The following PDE4B variants were observed in gnomAD, a reference collection of about 807,000 sequenced individuals.
The protein encoded by PDE4B is 3',5'-cyclic-AMP phosphodiesterase 4B.
In PDE4B, 20 loss-of-function variants were observed where a neutral mutation model predicts 82.2. The ratio of observed to expected loss-of-function variants is 0.24; its 90% CI spans 0.17 to 0.35. The LOEUF is 0.35. Ranked by LOEUF, PDE4B falls within the 10% of genes least tolerant of loss-of-function variation. The pLI is 1.00. For missense variants in PDE4B, 655 were observed against 907.2 expected, an observed-to-expected ratio of 0.72 and a Z score of 3.57; for synonymous variants, 320 against 318.9, an observed-to-expected ratio of 1.00 and a Z score of -0.04.
At chr1:65,917,204 T>C (rs1429095942) in intron 2 of PDE4B, among the ~76,000 whole-genome samples, 1 of 152,204 alleles carries the variant, frequency 6.6e-6, no homozygotes, top group Non-Finnish European at 1.5e-5. Context: ...ATTTGTTGAA[T>C]TAACCCAGCT....
intron 3 of PDE4B, among the ~76,000 whole-genome samples, chr1:66,123,774 G>A (rs902943316): frequency 2.0e-5 from 3 of 152,082 alleles, no homozygotes; most frequent in Non-Finnish European, 4.4e-5. Flanking sequence ...TTCAAAATAC[G>A]TAGAAGAATG....
intron 3 of PDE4B, 85 bp downstream of exon 3, chr1:65,918,920 G>A (rs1307225450): frequency 2.4e-6 from 2 of 838,748 alleles, no homozygotes; most frequent in Non-Finnish European, 4.0e-6. Context: ...TAAAATGTGA[G>A]TTTTCTGTGA....
intron 3 of PDE4B, among the ~76,000 whole-genome samples, chr1:65,989,662 G>A (rs4531269): frequency 0.24 from 36,737 of 151,900 alleles, 5,262 homozygotes; most frequent in East Asian, 0.45. Flanking sequence ...TACATGAACC[G>A]GAAGGTTTTC....
At chr1:65,801,712 T>C (rs1414956357) in intron 1 of PDE4B, among the ~76,000 whole-genome samples, 1 of 152,216 alleles carries the variant, frequency 6.6e-6, no homozygotes, top group Non-Finnish European at 1.5e-5. Flanking sequence ...TACTTAGCCA[T>C]AATCTTCGGT....
At chr1:66,168,696 A>G (rs1352219609) in intron 3 of PDE4B, among the ~76,000 whole-genome samples, 1 of 152,192 alleles carries the variant, frequency 6.6e-6, no homozygotes, top group African/African-American at 2.4e-5. Context: ...CTGGTTAACG[A>G]TGTGTGACCT....
chr1:66,302,658 A>C (rs537347851), intron 7 of PDE4B, among the ~76,000 whole-genome samples: 91 of 152,340 alleles, frequency 6.0e-4, no homozygotes, highest in Middle Eastern at 3.4e-3. Flanking sequence ...TCCGAAAGAT[A>C]AAGTGACTGG....
chr1:65,998,992 T>C (rs557382069), intron 3 of PDE4B, among the ~76,000 whole-genome samples: 132 of 152,324 alleles, frequency 8.7e-4, no homozygotes, highest in African/African-American at 3.0e-3. Flanking sequence ...AGTACATCTA[T>C]AAATAGTGTT....
intron 3 of PDE4B, among the ~76,000 whole-genome samples, chr1:66,105,273 G>A (rs1450170429): frequency 4.0e-5 from 6 of 148,276 alleles, no homozygotes; most frequent in Non-Finnish European, 7.5e-5. Context: ...CATTTCTGAG[G>A]GCTCTGTTCT....
chr1:66,146,010 A>C (rs1306501780), intron 3 of PDE4B, among the ~76,000 whole-genome samples: 1 of 152,152 alleles, frequency 6.6e-6, no homozygotes, highest in African/African-American at 2.4e-5. Context: ...TCAGGACAGG[A>C]AGGCATTTGA....
intron 3 of PDE4B, among the ~76,000 whole-genome samples, chr1:65,933,178 G>A (rs28842268): frequency 0.17 from 25,633 of 152,108 alleles, 2,798 homozygotes; most frequent in Non-Finnish European, 0.24. Flanking sequence ...AAAAGTCAAG[G>A]CAAAGGGAGA....
At chr1:66,077,772 G>A (rs1054280329) in intron 3 of PDE4B, among the ~76,000 whole-genome samples, 4 of 152,072 alleles carry the variant, frequency 2.6e-5, no homozygotes, top group Non-Finnish European at 4.4e-5. Flanking sequence ...TAGACTTCCC[G>A]ATTCAAATCT....
chr1:65,966,255 T>C (rs564645811), intron 3 of PDE4B, among the ~76,000 whole-genome samples: 8 of 151,780 alleles, frequency 5.3e-5, no homozygotes, highest in Admixed American at 4.6e-4. Flanking sequence ...ACACCAATAA[T>C]AGACAAACAG....
chr1:65,960,434 G>A (rs1649489617), intron 3 of PDE4B, among the ~76,000 whole-genome samples: 1 of 152,038 alleles, frequency 6.6e-6, no homozygotes, highest in South Asian at 2.1e-4. Flanking sequence ...GATTGCTGAG[G>A]TTGAAAGTTT....
intron 6 of PDE4B, among the ~76,000 whole-genome samples, chr1:66,262,788 C>G (rs1437854456): frequency 6.6e-6 from 1 of 152,180 alleles, no homozygotes; most frequent in Non-Finnish European, 1.5e-5. Context: ...AGCTTCCACA[C>G]AGAGATGCTT....
chr1:66,141,963 A>G (rs530538795), intron 3 of PDE4B, among the ~76,000 whole-genome samples: 2 of 152,246 alleles, frequency 1.3e-5, no homozygotes, highest in East Asian at 3.9e-4. Context: ...CTTAACTACT[A>G]ATAGCCTACT....
chr1:66,196,934 A>G (rs958749228), intron 3 of PDE4B, among the ~76,000 whole-genome samples: 1 of 152,148 alleles, frequency 6.6e-6, no homozygotes, highest in Non-Finnish European at 1.5e-5. Flanking sequence ...CAATATGCAC[A>G]TGTACCCTAA....
At chr1:65,839,197 A>G (rs1476664328) in intron 1 of PDE4B, among the ~76,000 whole-genome samples, 1 of 151,972 alleles carries the variant, frequency 6.6e-6, no homozygotes, top group Non-Finnish European at 1.5e-5. Flanking sequence ...CTTTTGTTAG[A>G]TGCATGTTTT....
At chr1:65,833,882 A>C (rs1646110792) in intron 1 of PDE4B, among the ~76,000 whole-genome samples, 3 of 152,304 alleles carry the variant, frequency 2.0e-5, no homozygotes, top group African/African-American at 7.2e-5. Context: ...AGGTAATGAC[A>C]CTCAAAATGC....
intron 3 of PDE4B, among the ~76,000 whole-genome samples, chr1:66,196,361 A>G (rs1648296634): frequency 6.6e-6 from 1 of 152,212 alleles, no homozygotes; most frequent in Non-Finnish European, 1.5e-5. Context: ...AACAGTCTAC[A>G]GAGCTGAGAG....
Sources: allele counts gnomAD v4.1 joint callset (sites outside exome capture counted in the v4.1 genomes callset), GRCh38; gene constraint gnomAD v4.1.1; transcripts MANE v1.5; gene names NCBI Gene and HGNC (gene_info 2026-07-23, HGNC 2026-07-21).